Variants in ELOVL7 observed in about 807,000 individuals in gnomAD.
ELOVL7 encodes ELOVL fatty acid elongase 7, also known as very long chain fatty acid elongase 7.
In ELOVL7, 27 loss-of-function variants were observed where a neutral mutation model predicts 35.7. That is an observed-to-expected ratio of 0.76 (90% confidence interval 0.56 to 1.04). The LOEUF (loss-of-function observed/expected upper bound fraction) is 1.04. ELOVL7 is among the 50% of genes least tolerant of loss of function. ELOVL7 has a pLI of 0.00. For synonymous variants in ELOVL7, 113 were observed against 114.6 expected, an observed-to-expected ratio of 0.99 and a Z score of 0.09; for missense variants, 327 against 340.8, an observed-to-expected ratio of 0.96 and a Z score of 0.32.
intron 4 of ELOVL7, among the ~76,000 whole-genome samples, chr5:60,771,080 G>A (rs1742557158): frequency 6.6e-6 from 1 of 152,200 alleles, no homozygotes; most frequent in Non-Finnish European, 1.5e-5. Flanking sequence ...AAACTATGGT[G>A]CCAGGAGAGG....
chr5:60,761,945 C>T (rs1181379786), intron 7 of ELOVL7, among the ~76,000 whole-genome samples: 1 of 151,968 alleles, frequency 6.6e-6, no homozygotes, highest in Non-Finnish European at 1.5e-5. Context: ...TCTGTAAGAT[C>T]GAAGGGGGCT....
chr5:60,779,793 G>T (rs2112210155), intron 3 of ELOVL7, among the ~76,000 whole-genome samples: 1 of 152,284 alleles, frequency 6.6e-6, no homozygotes, highest in Admixed American at 6.5e-5. Flanking sequence ...CTAGAAAATT[G>T]TATTTTCTTT....
At chr5:60,811,579 A>G (rs1314679039) in intron 1 of ELOVL7, among the ~76,000 whole-genome samples, 1 of 152,264 alleles carries the variant, frequency 6.6e-6, no homozygotes, top group Non-Finnish European at 1.5e-5. Flanking sequence ...CACAAAGGCC[A>G]TCAACCTTTG....
intron 4 of ELOVL7, among the ~76,000 whole-genome samples, chr5:60,770,898 C>T (rs149270718): frequency 1.9e-4 from 29 of 152,226 alleles, no homozygotes; most frequent in Non-Finnish European, 3.5e-4. Flanking sequence ...CAAGGTCTCC[C>T]TATGTTGTCC....
chr5:60,816,365 A>G (rs887259775), intron 1 of ELOVL7, among the ~76,000 whole-genome samples: 3 of 138,048 alleles, frequency 2.2e-5, no homozygotes, highest in Non-Finnish European at 3.1e-5. Context: ...TGAGCAACAG[A>G]GCGAGACTCC....
intron 7 of ELOVL7, 75 bp downstream of exon 7, chr5:60,764,152 T>C: frequency 1.0e-6 from 1 of 968,870 alleles, no homozygotes; most frequent in Non-Finnish European, 1.6e-6. Context: ...ATAAATCACA[T>C]TTTAGAAAAA....
intron 1 of ELOVL7, among the ~76,000 whole-genome samples, chr5:60,820,436 C>A (rs1745816002): frequency 2.0e-5 from 3 of 152,202 alleles, no homozygotes; most frequent in African/African-American, 7.2e-5. Flanking sequence ...AACTAATACA[C>A]TATCTTTCGG....
In ELOVL7 at chr5:60,756,181, A is replaced by C. The variant is rs138441962; in HGVS notation, c.636+1328T>G. Among the ~76,000 whole-genome samples, 552 of 152,290 alleles carry C rather than the reference A, an allele frequency of 3.6e-3. 2 individuals carry two copies. Among genetic ancestry groups the C allele is most frequent in the African/African-American group, 0.012 (515 of 41,562 alleles). ...AAAATGTCCATCCTATTCTTTCTAC[A>C]TCAGTATTTTTTCACGTTATTAAAA... On this transcript the variant is annotated intron_variant, in intron 8 of 8. Transcript: ENST00000508821.
intron 1 of ELOVL7, among the ~76,000 whole-genome samples, chr5:60,812,035 G>A (rs999488411): frequency 6.6e-6 from 1 of 152,096 alleles, no homozygotes; most frequent in African/African-American, 2.4e-5. Flanking sequence ...GGACAACACA[G>A]GGAGACCTCA....
chr5:60,759,893 GT>G (rs1240812288), intron 7 of ELOVL7, among the ~76,000 whole-genome samples: 1 of 151,836 alleles, frequency 6.6e-6, no homozygotes, highest in Non-Finnish European at 1.5e-5. Flanking sequence ...GAGGTGTTTG[GT>G]TTTTTGTTCT....
chr5:60,770,173 C>G (rs1742494567), intron 4 of ELOVL7, among the ~76,000 whole-genome samples: 1 of 152,096 alleles, frequency 6.6e-6, no homozygotes, highest in Non-Finnish European at 1.5e-5. Flanking sequence ...GTCAGAAACT[C>G]TCAAATTCAG....
At chr5:60,755,484 C>T (rs1286039449) in intron 8 of ELOVL7, among the ~76,000 whole-genome samples, 1 of 152,076 alleles carries the variant, frequency 6.6e-6, no homozygotes, top group Non-Finnish European at 1.5e-5. Flanking sequence ...TAGCGAAACC[C>T]CATCTCTACT....
intron 3 of ELOVL7, among the ~76,000 whole-genome samples, chr5:60,775,723 T>C (rs1198252152): frequency 6.6e-6 from 1 of 152,088 alleles, no homozygotes; most frequent in East Asian, 1.9e-4. Flanking sequence ...AAATAAGCAA[T>C]GGGGAAAGGA....
At chr5:60,767,346 A>G (rs1280243065) in intron 5 of ELOVL7, among the ~76,000 whole-genome samples, 1 of 152,156 alleles carries the variant, frequency 6.6e-6, no homozygotes, top group African/African-American at 2.4e-5. Flanking sequence ...CACCCGCCTC[A>G]GCCTCCCAAA....
chr5:60,776,488 G>T (rs1304233253), intron 3 of ELOVL7, among the ~76,000 whole-genome samples: 1 of 152,200 alleles, frequency 6.6e-6, no homozygotes, highest in African/African-American at 2.4e-5. Context: ...ATTAATGGTG[G>T]ATTGGATAAA....
At chr5:60,816,389 A>C (rs1745519729) in intron 1 of ELOVL7, among the ~76,000 whole-genome samples, 1 of 152,262 alleles carries the variant, frequency 6.6e-6, no homozygotes, top group South Asian at 2.1e-4. Context: ...TCAAAAAAAA[A>C]AAAAAGAGTA....
At chr5:60,795,040 T>C (rs1744164093) in intron 2 of ELOVL7, among the ~76,000 whole-genome samples, 2 of 152,226 alleles carry the variant, frequency 1.3e-5, no homozygotes, top group South Asian at 2.1e-4. Flanking sequence ...AAATAATAAA[T>C]CCTTAATAAA....
chr5:60,827,740 C>A (rs1376013567), intron 1 of ELOVL7, among the ~76,000 whole-genome samples: 1 of 152,134 alleles, frequency 6.6e-6, no homozygotes, highest in Non-Finnish European at 1.5e-5. Flanking sequence ...ACTTAACCTG[C>A]AATGATTAAT....
chr5:60,763,391 TC>T (rs1742040718), intron 7 of ELOVL7, among the ~76,000 whole-genome samples: 1 of 152,158 alleles, frequency 6.6e-6, no homozygotes, highest in Non-Finnish European at 1.5e-5. Flanking sequence ...CAATTGTGGT[TC>T]CCCCTTTCTT....
Sources: allele counts gnomAD v4.1 joint callset (sites outside exome capture counted in the v4.1 genomes callset), GRCh38; gene constraint gnomAD v4.1.1; transcripts MANE v1.5; gene names NCBI Gene and HGNC (gene_info 2026-07-23, HGNC 2026-07-21).